Variants in NTRK2 observed in about 807,000 individuals in gnomAD.
The protein encoded by NTRK2 is BDNF/NT-3 growth factors receptor.
NTRK2 carries 13 observed loss-of-function variants against 94.5 expected under a neutral mutation model. The observed-to-expected ratio is 0.14, with a 90% CI of 0.09 to 0.22. NTRK2 has a LOEUF of 0.22. Ranked by LOEUF, NTRK2 falls within the 10% of genes least tolerant of loss-of-function variation. The probability of loss-of-function intolerance (pLI) is 1.00; values close to 1 mark genes in which losing one functional copy is unlikely to be tolerated. For synonymous variants in NTRK2, 372 were observed against 407.4 expected (o/e 0.91, Z 1.05); for missense variants, 639 against 1,071.2 (o/e 0.60, Z 5.63).
chr9:84,924,228 GTAGA>G (rs1425899276), intron 14 of NTRK2, among the ~76,000 whole-genome samples: 1 of 92,422 alleles, frequency 1.1e-5, no homozygotes, highest in Non-Finnish European at 2.3e-5. Context: ...AAGAAAGAAA[GTAGA>G]AAGAAAGAAA....
At chr9:84,986,589 G>T (rs1828336558) in intron 17 of NTRK2, among the ~76,000 whole-genome samples, 1 of 151,932 alleles carries the variant, frequency 6.6e-6, no homozygotes. Context: ...GGGGATCCCT[G>T]CTCTAGAGGG....
intron 14 of NTRK2, among the ~76,000 whole-genome samples, chr9:84,929,306 C>T (rs1446336748): frequency 6.6e-6 from 1 of 152,142 alleles, no homozygotes; most frequent in Non-Finnish European, 1.5e-5. Context: ...TCACTTCTGG[C>T]ACTCATGGGA....
chr9:84,991,650 C>A (rs1829084633), intron 17 of NTRK2, among the ~76,000 whole-genome samples: 1 of 152,166 alleles, frequency 6.6e-6, no homozygotes, highest in African/African-American at 2.4e-5. Context: ...GGCTCAGTTG[C>A]CATGGTAGCG....
At chr9:84,672,755 T>G (rs2058777641) in intron 2 of NTRK2, among the ~76,000 whole-genome samples, 1 of 152,172 alleles carries the variant, frequency 6.6e-6, no homozygotes, top group African/African-American at 2.4e-5. Flanking sequence ...ATCTAAAAAA[T>G]TATTATTTCA....
At chr9:84,983,646 C>G (rs1181738345) in intron 17 of NTRK2, among the ~76,000 whole-genome samples, 6 of 152,192 alleles carry the variant, frequency 3.9e-5, no homozygotes, top group African/African-American at 1.4e-4. Flanking sequence ...CTTGATCCCA[C>G]TGGGTATTTG....
intron 16 of NTRK2, among the ~76,000 whole-genome samples, chr9:84,951,542 T>G (rs1185417423): frequency 6.7e-6 from 1 of 149,030 alleles, no homozygotes; most frequent in East Asian, 2.0e-4. Flanking sequence ...TGTACATACA[T>G]GAATGTGTGT....
intron 15 of NTRK2, among the ~76,000 whole-genome samples, chr9:84,943,552 A>G (rs2078486914): frequency 6.6e-6 from 1 of 152,192 alleles, no homozygotes; most frequent in South Asian, 2.1e-4. Context: ...TTCACCAGGA[A>G]TAAGAAGAAA....
intron 14 of NTRK2, among the ~76,000 whole-genome samples, chr9:84,922,220 A>T (rs2077589494): frequency 6.6e-6 from 1 of 152,152 alleles, no homozygotes; most frequent in South Asian, 2.1e-4. Context: ...CCAGCATATG[A>T]CTGGGTCGGT....
intron 12 of NTRK2, among the ~76,000 whole-genome samples, chr9:84,819,820 A>G (rs2072671957): frequency 6.6e-6 from 1 of 151,600 alleles, no homozygotes; most frequent in Non-Finnish European, 1.5e-5. Context: ...AGGGCTTCCC[A>G]CTGTTGTCAG....
At chr9:84,890,324 C>T (rs1014109234) in intron 14 of NTRK2, among the ~76,000 whole-genome samples, 3 of 152,180 alleles carry the variant, frequency 2.0e-5, no homozygotes, top group African/African-American at 7.2e-5. Context: ...TGACCCTTAC[C>T]GTCCTCATGT....
At chr9:84,995,256 C>T (rs968685954) in intron 17 of NTRK2, among the ~76,000 whole-genome samples, 4 of 152,024 alleles carry the variant, frequency 2.6e-5, no homozygotes, top group South Asian at 2.1e-4. Context: ...TGTAGAGGAC[C>T]GCACTTCCAA....
chr9:84,933,067 TTA>T (rs1451688930), intron 14 of NTRK2, among the ~76,000 whole-genome samples: 1 of 152,020 alleles, frequency 6.6e-6, no homozygotes, highest in Non-Finnish European at 1.5e-5. Flanking sequence ...GCAGAGAGGA[TTA>T]TGTCATGGGA....
chr9:84,702,089 G>A, intron 2 of NTRK2, 70 bp from the exon 3 acceptor site: 3 of 1,399,460 alleles, frequency 2.1e-6, no homozygotes, highest in Non-Finnish European at 3.0e-6. Context: ...GGGTGAGGTG[G>A]ATGGGAGTTC....
intron 14 of NTRK2, among the ~76,000 whole-genome samples, chr9:84,920,247 T>C (rs2077520031): frequency 1.3e-5 from 2 of 152,158 alleles, no homozygotes; most frequent in South Asian, 4.1e-4. Context: ...TTGACTGAAG[T>C]AGTCTTAGGT....
At chr9:84,788,576 C>A (rs2068379738) in intron 12 of NTRK2, among the ~76,000 whole-genome samples, 1 of 152,214 alleles carries the variant, frequency 6.6e-6, no homozygotes, top group African/African-American at 2.4e-5. Context: ...GGCCAAGAGT[C>A]TCCCAGGCAG....
chr9:84,893,999 GA>G (rs2132326007), intron 14 of NTRK2, among the ~76,000 whole-genome samples: 1 of 152,232 alleles, frequency 6.6e-6, no homozygotes, highest in African/African-American at 2.4e-5. Context: ...GTGTTGCAAG[GA>G]GATATCATCA....
At chr9:84,726,900 A>G (rs2062501535) in intron 8 of NTRK2, among the ~76,000 whole-genome samples, 2 of 152,218 alleles carry the variant, frequency 1.3e-5, no homozygotes. Context: ...CTACTTGATA[A>G]TGTTTGTTTC....
At position 84,877,849 on chromosome 9, in the gene NTRK2, G is replaced by A. The variant is rs200037490; in HGVS notation, c.1633+10418G>A. ...TTGTACTGGAATTTGTGATGTAGTT[G>A]ATCATTCAGAGCCAAACGCATATAC... is the stretch of plus-strand genomic sequence containing the variant. On this transcript the variant is annotated intron_variant, in intron 14 of 18. Coordinates refer to ENST00000277120, the MANE Select transcript of NTRK2 (RefSeq NM_006180.6). The A allele has an allele frequency of 3.6e-5, 37 of 1,039,268 alleles. No individual in the cohort carries two copies. The South Asian group carries it at 1.7e-3, about 47-fold the overall frequency. 64.4% of individuals were successfully genotyped at this position (1,039,268 alleles called of 1,614,324 possible). A position where few individuals can be genotyped will look rare whatever the true frequency, so the allele number is the denominator to read the frequency against.
chr9:84,861,916 T>A (rs1037212301), intron 13 of NTRK2, among the ~76,000 whole-genome samples: 38 of 152,104 alleles, frequency 2.5e-4, no homozygotes, highest in African/African-American at 7.0e-4. Flanking sequence ...GCTGCTCAAT[T>A]CCAAACCATC....
Sources: allele counts gnomAD v4.1 joint callset (sites outside exome capture counted in the v4.1 genomes callset), GRCh38; gene constraint gnomAD v4.1.1; transcripts MANE v1.5; gene names NCBI Gene and HGNC (gene_info 2026-07-23, HGNC 2026-07-21).